CBFA2T2: variants seen among roughly 807,000 people sequenced by gnomAD.
The protein encoded by CBFA2T2 is CBFA2/RUNX1 partner transcriptional co-repressor 2.
CBFA2T2 carries 11 observed loss-of-function variants against 62.2 expected under a neutral mutation model. That is an observed-to-expected ratio of 0.18 (90% CI 0.11 to 0.29). The LOEUF is 0.29. CBFA2T2 is among the 10% of genes least tolerant of loss of function. The probability of loss-of-function intolerance (pLI) is 1.00; values close to 1 mark genes in which losing one functional copy is unlikely to be tolerated. For missense variants in CBFA2T2, 592 were observed against 774.1 expected (o/e 0.76, Z 2.79); for synonymous variants, 295 against 287.5 (o/e 1.03, Z -0.27).
At chr20:33,563,298 T>G (rs1223538527) in intron 1 of CBFA2T2, among the ~76,000 whole-genome samples, 1 of 152,194 alleles carries the variant, frequency 6.6e-6, no homozygotes, top group Non-Finnish European at 1.5e-5. Flanking sequence ...TGCAATAAAT[T>G]CATGTGCATA....
At chr20:33,553,361 G>A (rs1214572730) in intron 1 of CBFA2T2, among the ~76,000 whole-genome samples, 1 of 152,188 alleles carries the variant, frequency 6.6e-6, no homozygotes, top group African/African-American at 2.4e-5. Flanking sequence ...CGAGTAGCTG[G>A]GACTACAGGT....
At chr20:33,621,680 T>A (rs541762943) in intron 4 of CBFA2T2, among the ~76,000 whole-genome samples, 1 of 152,352 alleles carries the variant, frequency 6.6e-6, no homozygotes, top group African/African-American at 2.4e-5. Context: ...TCTTTTACCT[T>A]ATTTTCATTT....
intron 1 of CBFA2T2, among the ~76,000 whole-genome samples, chr20:33,523,718 C>T (rs1029154843): frequency 1.3e-5 from 2 of 149,632 alleles, no homozygotes; most frequent in African/African-American, 2.5e-5. Context: ...GATGGAATTT[C>T]ACCCTTGTCG....
chr20:33,494,273 AT>A (rs1156307604), intron 1 of CBFA2T2, among the ~76,000 whole-genome samples: 97 of 21,356 alleles, frequency 4.5e-3, no homozygotes, highest in African/African-American at 0.02. Flanking sequence ...ATATATATAT[AT>A]TTTTTTTTTT....
chr20:33,513,936 T>C (rs1318303254), intron 1 of CBFA2T2, among the ~76,000 whole-genome samples: 2 of 151,628 alleles, frequency 1.3e-5, no homozygotes, highest in East Asian at 3.9e-4. Context: ...AGAGGGGGTC[T>C]TTTGCCCAGG....
At chr20:33,539,340 A>G (rs1047662511) in intron 1 of CBFA2T2, among the ~76,000 whole-genome samples, 5 of 152,230 alleles carry the variant, frequency 3.3e-5, no homozygotes, top group Non-Finnish European at 5.9e-5. Flanking sequence ...TGTGAGCACC[A>G]AGTGAAGGAA....
intron 1 of CBFA2T2, among the ~76,000 whole-genome samples, chr20:33,506,072 A>C (rs2011397722): frequency 6.6e-6 from 1 of 152,180 alleles, no homozygotes; most frequent in African/African-American, 2.4e-5. Context: ...CCTAGGGGAC[A>C]GAGTAAGACT....
rs1440578489 is a variant in CBFA2T2, at chr20:33,645,685, C to T, written c.*1039C>T. ...TGCAGGTTGGTAGGACTTGCCCCCA[C>T]TGTCAAGGCCTGGTCTCATCTGAAA... On this transcript the variant is annotated 3_prime_UTR_variant, in exon 11 of 11. Coordinates refer to ENST00000342704, the MANE Select transcript of CBFA2T2 (RefSeq NM_001032999.3). 1.3e-5 allele frequency: 2 copies of T among 152,250 alleles called. No homozygotes were observed. Among genetic ancestry groups the T allele is most frequent in the Non-Finnish European group, 2.9e-5 (2 of 68,070 alleles). 9.4% of individuals were successfully genotyped at this position (152,250 alleles called of 1,614,324 possible).
intron 1 of CBFA2T2, among the ~76,000 whole-genome samples, chr20:33,511,297 T>C (rs977028367): frequency 1.3e-5 from 2 of 152,204 alleles, no homozygotes; most frequent in Non-Finnish European, 2.9e-5. Flanking sequence ...TAGTCCATCT[T>C]GAATTAATTT....
chr20:33,517,347 G>A (rs1443680694), intron 1 of CBFA2T2, among the ~76,000 whole-genome samples: 1 of 152,078 alleles, frequency 6.6e-6, no homozygotes, highest in African/African-American at 2.4e-5. Context: ...TAAATCCACA[G>A]AAGCCTTGCC....
intron 1 of CBFA2T2, among the ~76,000 whole-genome samples, chr20:33,494,721 T>G (rs1261749589): frequency 1.3e-5 from 2 of 151,854 alleles, no homozygotes; most frequent in Non-Finnish European, 2.9e-5. Flanking sequence ...GCCTCAGCCT[T>G]CCAAATAGCT....
chr20:33,642,030 A>C (rs2016859361), intron 10 of CBFA2T2, among the ~76,000 whole-genome samples: 1 of 151,960 alleles, frequency 6.6e-6, no homozygotes, highest in East Asian at 1.9e-4. Flanking sequence ...ACAGCTCTTC[A>C]ATACAGATAC....
chr20:33,560,688 C>T (rs1243142304), intron 1 of CBFA2T2, among the ~76,000 whole-genome samples: 2 of 152,090 alleles, frequency 1.3e-5, no homozygotes, highest in Admixed American at 1.3e-4. Context: ...GCAGATATAT[C>T]CCAAGTATGG....
At chr20:33,555,527 CT>C (rs2012872681) in intron 1 of CBFA2T2, among the ~76,000 whole-genome samples, 1 of 152,138 alleles carries the variant, frequency 6.6e-6, no homozygotes, top group Non-Finnish European at 1.5e-5. Context: ...ACTCCAATTG[CT>C]TTATCATTGT....
At chr20:33,531,863 TG>T (rs1476588370) in intron 1 of CBFA2T2, among the ~76,000 whole-genome samples, 2 of 152,208 alleles carry the variant, frequency 1.3e-5, no homozygotes, top group Admixed American at 1.3e-4. Context: ...GAGGGAAAGC[TG>T]GTAAAGATCA....
chr20:33,574,658 T>G (rs1246306011), intron 1 of CBFA2T2, among the ~76,000 whole-genome samples: 1 of 152,190 alleles, frequency 6.6e-6, no homozygotes, highest in Non-Finnish European at 1.5e-5. Flanking sequence ...TTATAAAAAG[T>G]TGTTTTCTTT....
Position 33,647,921 on chromosome 20 carries a change from C to T in CBFA2T2, c.*3275C>T, listed in dbSNP as rs149616176. The T allele has an allele frequency of 2.9e-4, 44 of 152,376 alleles. No individual in the cohort carries two copies. The highest frequency in any genetic ancestry group is 1.0e-3 in the African/African-American group (42 of 41,578). The allele number at this position is 152,376 out of a possible 1,614,324, so 9.4% of individuals were successfully genotyped here. A position where few individuals can be genotyped will look rare whatever the true frequency, so the allele number is the denominator to read the frequency against. ...TCTGGTCAGTTTCACACAGAAGTCA[C>T]GAGGGCCTCTGCCCAGGACCTTCTA... On this transcript the variant is annotated 3_prime_UTR_variant, in exon 11 of 11. Transcript: ENST00000342704.
At chr20:33,596,924 T>G (rs910797070) in intron 1 of CBFA2T2, among the ~76,000 whole-genome samples, 1 of 151,240 alleles carries the variant, frequency 6.6e-6, no homozygotes, top group African/African-American at 2.4e-5. Context: ...CCTCTGTTTT[T>G]TTTTTTTTTT....
intron 3 of CBFA2T2, among the ~76,000 whole-genome samples, chr20:33,612,365 A>G (rs2122301942): frequency 6.6e-6 from 1 of 152,352 alleles, no homozygotes; most frequent in African/African-American, 2.4e-5. Context: ...TATATGGGAT[A>G]AAAAGATGAA....
Sources: gnomAD v4.1 joint callset for allele counts (sites outside exome capture counted in the v4.1 genomes callset) on GRCh38, gnomAD v4.1.1 for gene constraint, MANE v1.5 for transcripts, NCBI Gene and HGNC (gene_info 2026-07-23, HGNC 2026-07-21) for gene names.